Variants in LYRM4 observed in about 807,000 individuals in gnomAD.
LYRM4 encodes LYR motif-containing protein 4.
In LYRM4, 9 loss-of-function variants were observed where a neutral mutation model predicts 11.7. The ratio of observed to expected loss-of-function variants is 0.77; its 90% CI spans 0.46 to 1.34. The LOEUF (loss-of-function observed/expected upper bound fraction) is 1.34. Ranked by LOEUF, LYRM4 falls within the 40% of genes most tolerant of loss-of-function variation. The probability of loss-of-function intolerance (pLI) is 0.00; values close to 1 mark genes in which losing one functional copy is unlikely to be tolerated. For synonymous variants in LYRM4, 42 were observed against 40.4 expected, an observed-to-expected ratio of 1.04 and a Z score of -0.15; for missense variants, 133 against 112.5, an observed-to-expected ratio of 1.18 and a Z score of -0.82.
rs187597587 is a variant in LYRM4, at chr6:5,116,440, G to C, written c.208-6949C>G. Among the ~76,000 whole-genome samples the C allele has an allele frequency of 9.5e-4, 144 of 152,338 alleles. 2 individuals are homozygous for C. Among genetic ancestry groups the C allele is most frequent in the African/African-American group, 2.5e-3 (103 of 41,572 alleles). Reference sequence around the variant, plus strand: ...TAAGGAGTTGAGGCAGTAAATGTTTGTGTAACAGTTCTCTTGCATTTATTT... The same window carrying C: ...TAAGGAGTTGAGGCAGTAAATGTTTCTGTAACAGTTCTCTTGCATTTATTT... On this transcript the variant is annotated intron_variant, in intron 2 of 2. Coordinates refer to ENST00000330636, the MANE Select transcript of LYRM4 (RefSeq NM_020408.6).
the LYRM4 span, among the ~76,000 whole-genome samples, chr6:5,047,970 A>T: frequency 6.6e-6 from 1 of 152,158 alleles, no homozygotes; most frequent in East Asian, 1.9e-4. Context: ...TTGGAAGATG[A>T]CTTAAAAATC....
At chr6:5,047,007 C>G in the LYRM4 span, among the ~76,000 whole-genome samples, 2 of 152,068 alleles carry the variant, frequency 1.3e-5, no homozygotes, top group Non-Finnish European at 2.9e-5. Flanking sequence ...GGGAGAATCT[C>G]CTGAGCCCAG....
chr6:5,057,837 C>T, the LYRM4 span, among the ~76,000 whole-genome samples: 2 of 151,854 alleles, frequency 1.3e-5, no homozygotes, highest in African/African-American at 2.4e-5. Flanking sequence ...TCATAGCTCA[C>T]TGCAGCCTCG....
At chr6:5,125,777 G>C (rs1763672931) in intron 2 of LYRM4, among the ~76,000 whole-genome samples, 1 of 152,244 alleles carries the variant, frequency 6.6e-6, no homozygotes, top group Non-Finnish European at 1.5e-5. Context: ...TTGATGATAA[G>C]CTCAGTGAGA....
chr6:5,225,247 CAAAAAA>C (rs35803077), intron 1 of LYRM4, among the ~76,000 whole-genome samples: 48 of 77,016 alleles, frequency 6.2e-4, no homozygotes, highest in Non-Finnish European at 9.4e-4. Context: ...GACTCCGAAT[CAAAAAA>C]AAAAAAAAAA....
At chr6:5,160,647 A>G (rs1758699857) in intron 2 of LYRM4, among the ~76,000 whole-genome samples, 1 of 63,056 alleles carries the variant, frequency 1.6e-5, no homozygotes, top group African/African-American at 7.9e-5. Flanking sequence ...TGCCATGATT[A>G]TGAGACCCCC....
intron 2 of LYRM4, among the ~76,000 whole-genome samples, chr6:5,203,861 A>G (rs1267538277): frequency 6.6e-6 from 1 of 152,230 alleles, no homozygotes; most frequent in African/African-American, 2.4e-5. Flanking sequence ...GGCTGAAACC[A>G]AAGTGGGAAC....
intron 2 of LYRM4, among the ~76,000 whole-genome samples, chr6:5,202,078 A>C (rs895510669): frequency 2.0e-5 from 3 of 152,274 alleles, no homozygotes; most frequent in Non-Finnish European, 4.4e-5. Context: ...TTCAGCCTCC[A>C]TAATCAGTGA....
At chr6:5,114,090 G>A (rs1763012548) in intron 2 of LYRM4, among the ~76,000 whole-genome samples, 1 of 152,176 alleles carries the variant, frequency 6.6e-6, no homozygotes, top group Non-Finnish European at 1.5e-5. Context: ...GGAGCATCTA[G>A]GACAGTTCTT....
the LYRM4 span, among the ~76,000 whole-genome samples, chr6:5,074,378 G>T: frequency 6.7e-6 from 1 of 148,304 alleles, no homozygotes; most frequent in East Asian, 2.0e-4. Flanking sequence ...ATAATGAGAT[G>T]GGGAGAGAAG....
intron 1 of LYRM4, among the ~76,000 whole-genome samples, chr6:5,227,705 T>C (rs1021167162): frequency 3.5e-4 from 54 of 152,256 alleles, no homozygotes; most frequent in Admixed American, 1.5e-3. Flanking sequence ...TGCAGCAGTA[T>C]TTACAATAGC....
At position 5,147,119 on chromosome 6, in the gene LYRM4, T is replaced by G. The variant is rs184043754; in HGVS notation, c.208-37628A>C. Among the ~76,000 whole-genome samples the G allele has an allele frequency of 1.1e-4, 16 of 152,346 alleles. No individual in the cohort carries two copies. In the East Asian group the frequency reaches 2.3e-3, roughly 22 times the overall value. ...GTATTACTTGAGTAGAACTGGGATT[T>G]ATGTTTTCATGATGATCCTAATTGG... On this transcript the variant is annotated intron_variant, in intron 2 of 2. Transcript: ENST00000330636.
downstream of LYRM4, among the ~76,000 whole-genome samples, chr6:5,099,385 C>A (rs1266123992): frequency 8.1e-6 from 1 of 123,642 alleles, no homozygotes; most frequent in African/African-American, 3.2e-5. The surrounding 1 kb of genome is among the most constrained non-coding windows in gnomAD (Gnocchi z 4.3). Context: ...AAAAAAAAAT[C>A]TATTTCTCTA....
chr6:5,152,790 AG>A (rs1758165349), intron 2 of LYRM4, among the ~76,000 whole-genome samples: 1 of 152,176 alleles, frequency 6.6e-6, no homozygotes. Flanking sequence ...GTTGGCTGGT[AG>A]GAATTCCAGG....
intron 1 of LYRM4, among the ~76,000 whole-genome samples, chr6:5,236,028 C>T (rs1763519004): frequency 6.6e-6 from 1 of 152,152 alleles, no homozygotes; most frequent in African/African-American, 2.4e-5. Flanking sequence ...GACCACTCTA[C>T]AAGAACAAAG....
At chr6:5,260,598 T>TGCCCCGGCCCCCGGG in intron 1 of LYRM4, 50 bp downstream of exon 1, 2 of 1,105,568 alleles carry the variant, frequency 1.8e-6, no homozygotes, top group Non-Finnish European at 2.6e-6. Context: ...GCACCCCCGG[T>TGCCCCGGCCCCCGGG]CCCCGGCCCC....
chr6:5,157,482 A>G (rs1758483283), intron 2 of LYRM4, among the ~76,000 whole-genome samples: 1 of 152,022 alleles, frequency 6.6e-6, no homozygotes, highest in Admixed American at 6.6e-5. Context: ...AGCCCTGCAA[A>G]CAGGAAGTAC....
At chr6:5,046,094 G>A in the LYRM4 span, among the ~76,000 whole-genome samples, 3 of 152,262 alleles carry the variant, frequency 2.0e-5, no homozygotes, top group East Asian at 5.8e-4. Flanking sequence ...TAGGCCTTCA[G>A]CATGAGCTTA....
In LYRM4 at chr6:5,118,096, T is replaced by TTTTTG. The variant is rs748663388; in HGVS notation, c.208-8606_208-8605insCAAAA. The stretch of plus-strand genomic sequence containing the variant: ...ACCAAAACAATATATATATATATAT[T>TTTTTG]TTTGTTTTGTTTTGTTTTGTTTTTT... On this transcript the variant is annotated intron_variant, in intron 2 of 2. Transcript: ENST00000330636. Among the ~76,000 whole-genome samples, 58 of 78,688 alleles carry TTTTTG rather than the reference T, an allele frequency of 7.4e-4. 1 individual carries two copies. Among genetic ancestry groups the TTTTTG allele is most frequent in the African/African-American group, 3.9e-3 (55 of 14,110 alleles). The allele number at this position is 78,688 out of a possible 152,430, so 51.6% of individuals were successfully genotyped here. A position where few individuals can be genotyped will look rare whatever the true frequency, so the allele number is the denominator to read the frequency against.
Sources: allele counts gnomAD v4.1 joint callset (sites outside exome capture counted in the v4.1 genomes callset), GRCh38; gene constraint gnomAD v4.1.1; non-coding constraint Gnocchi (gnomAD v3.1); transcripts MANE v1.5; gene names NCBI Gene and HGNC (gene_info 2026-07-23, HGNC 2026-07-21).